The following NCKAP5 variants were observed in gnomAD, a reference collection of about 807,000 sequenced individuals.
NCKAP5 encodes NCK associated protein 5, also known as nck-associated protein 5.
In NCKAP5, 92 loss-of-function variants were observed where a neutral mutation model predicts 167.0. That is an observed-to-expected ratio of 0.55 (90% confidence interval 0.47 to 0.66). The LOEUF is 0.66. Ranked by LOEUF, NCKAP5 falls within the 30% of genes least tolerant of loss-of-function variation. The pLI is 0.00. For synonymous variants in NCKAP5, 891 were observed against 877.4 expected (o/e 1.02, Z -0.27); for missense variants, 2,378 against 2,315.0 (o/e 1.03, Z -0.56).
chr2:132,953,691 G>A (rs1210218600), intron 8 of NCKAP5, among the ~76,000 whole-genome samples: 1 of 146,584 alleles, frequency 6.8e-6, no homozygotes, highest in Non-Finnish European at 1.5e-5. Flanking sequence ...AAGATAATAT[G>A]CCACAGAAGG....
At chr2:133,409,244 C>A (rs985413860) in intron 3 of NCKAP5, among the ~76,000 whole-genome samples, 4 of 152,228 alleles carry the variant, frequency 2.6e-5, no homozygotes, top group Non-Finnish European at 5.9e-5. Context: ...TTAATGCAGG[C>A]ATAAAAATGG....
chr2:133,527,789 G>A (rs1331827731), intron 2 of NCKAP5, among the ~76,000 whole-genome samples: 1 of 152,112 alleles, frequency 6.6e-6, no homozygotes. Context: ...ACAAGGCCAG[G>A]TTCGGTGGTT....
intron 7 of NCKAP5, among the ~76,000 whole-genome samples, chr2:132,967,511 G>T (rs183103977): frequency 7.4e-4 from 113 of 152,220 alleles, no homozygotes; most frequent in Non-Finnish European, 1.4e-3. Context: ...TGTCCTTACA[G>T]GTTTATAAGG....
intron 5 of NCKAP5, among the ~76,000 whole-genome samples, chr2:133,177,596 C>T (rs1000837974): frequency 6.6e-6 from 1 of 152,142 alleles, no homozygotes; most frequent in African/African-American, 2.4e-5. Context: ...TTTCATACCA[C>T]AGGTTTGTAA....
rs1408462062 is a variant in NCKAP5 at position 133,116,269 on chromosome 2, C to T, written c.341+13709G>A. On this transcript the variant is annotated intron_variant, in intron 6 of 19. Coordinates refer to ENST00000409261, the MANE Select transcript of NCKAP5 (RefSeq NM_207363.3). ...TTGGGAGGCCGAGGCGGGCGGATCA[C>T]GAGGTCAGGAGATCGAGACCATCCT... Among the ~76,000 whole-genome samples, 6 of 86,086 alleles carry T rather than the reference C, an allele frequency of 7.0e-5. No individual in the cohort carries two copies. The South Asian group carries it at 1.0e-3, about 15-fold the overall frequency. 56.5% of individuals were successfully genotyped at this position (86,086 alleles called of 152,430 possible).
intron 5 of NCKAP5, among the ~76,000 whole-genome samples, chr2:133,162,994 A>G (rs553908344): frequency 6.6e-6 from 1 of 152,332 alleles, no homozygotes; most frequent in East Asian, 1.9e-4. Flanking sequence ...AGAAGTATAA[A>G]AGAGAACTGC....
chr2:133,187,796 C>T (rs1347505818), intron 5 of NCKAP5, among the ~76,000 whole-genome samples: 1 of 151,924 alleles, frequency 6.6e-6, no homozygotes, highest in Non-Finnish European at 1.5e-5. Context: ...ACTAGGATTG[C>T]AACACCTGCT....
chr2:132,796,753 T>C (rs935872429), intron 11 of NCKAP5, 24 bp from the exon 12 acceptor site: 8 of 1,440,958 alleles, frequency 5.6e-6, no homozygotes, highest in Non-Finnish European at 7.8e-6. Flanking sequence ...AGCAGAAACA[T>C]TGAATAGCGA....
the NCKAP5 span, among the ~76,000 whole-genome samples, chr2:133,664,793 C>G: frequency 6.6e-6 from 1 of 152,112 alleles, no homozygotes; most frequent in Non-Finnish European, 1.5e-5. Flanking sequence ...CCACCGCACC[C>G]AGCCGAAAAT....
intron 5 of NCKAP5, among the ~76,000 whole-genome samples, chr2:133,187,442 C>T (rs1821424): frequency 0.33 from 50,809 of 151,766 alleles, 9,209 homozygotes; most frequent in East Asian, 0.58. Flanking sequence ...GCAATCCCAG[C>T]TACTTTGGAA....
chr2:132,681,199 T>A (rs1440829799), intron 19 of NCKAP5, among the ~76,000 whole-genome samples: 1 of 152,156 alleles, frequency 6.6e-6, no homozygotes, highest in Non-Finnish European at 1.5e-5. Context: ...GTTCCTGAGA[T>A]GAGAACTTCT....
Position 132,796,618 on chromosome 2 carries a change from G to A in NCKAP5, c.909+10C>T. Reference sequence around the variant, plus strand: ...AAAACAAGTGTTCTGAAGGCAACTGGGAAACTCACGTGCACCTCAGCATCA... The same window carrying A: ...AAAACAAGTGTTCTGAAGGCAACTGAGAAACTCACGTGCACCTCAGCATCA... On this transcript the variant is annotated intron_variant, in intron 12 of 19. Coordinates refer to ENST00000409261, the MANE Select transcript of NCKAP5 (RefSeq NM_207363.3). 6.3e-7 allele frequency: 1 copy of A among 1,598,986 alleles called. No homozygotes were observed. The highest frequency in any genetic ancestry group is 1.7e-5 in the Admixed American group (1 of 59,430).
intron 19 of NCKAP5, among the ~76,000 whole-genome samples, chr2:132,676,525 T>C (rs556280593): frequency 6.6e-6 from 1 of 152,230 alleles, no homozygotes; most frequent in Non-Finnish European, 1.5e-5. Flanking sequence ...TATAGGAGCA[T>C]ACCGAACCTC....
At chr2:133,205,522 A>G (rs2085909299) in intron 5 of NCKAP5, among the ~76,000 whole-genome samples, 1 of 152,142 alleles carries the variant, frequency 6.6e-6, no homozygotes, top group African/African-American at 2.4e-5. Context: ...AATTTGCTTT[A>G]CCTTCAAAAT....
intron 5 of NCKAP5, among the ~76,000 whole-genome samples, chr2:133,153,060 C>A (rs1036926552): frequency 1.3e-5 from 2 of 152,094 alleles, no homozygotes; most frequent in African/African-American, 4.8e-5. Context: ...TCGTTGTACA[C>A]AAAGTTTTGG....
chr2:133,171,770 G>T (rs2084260275), intron 5 of NCKAP5, among the ~76,000 whole-genome samples: 1 of 152,170 alleles, frequency 6.6e-6, no homozygotes, highest in Non-Finnish European at 1.5e-5. Flanking sequence ...AAGGCTAAGT[G>T]GTGAAGAGAT....
intron 4 of NCKAP5, among the ~76,000 whole-genome samples, chr2:133,252,941 GGGGT>G (rs2150343784): frequency 6.6e-6 from 1 of 152,266 alleles, no homozygotes. Context: ...CCAGCCTCAG[GGGGT>G]CTGCAGATAG....
In NCKAP5 at chr2:132,863,371, A is replaced by AG. The variant is rs561406174; in HGVS notation, c.688-2761dup. Among the ~76,000 whole-genome samples the AG allele has an allele frequency of 5.9e-5, 9 of 152,194 alleles. No homozygotes were observed. In the East Asian group the frequency reaches 1.5e-3, roughly 26 times the overall value. ...CATACAGTGTGGATATGCAAGTAAA[A>AG]GGGGACCTGAAAGCAATAGTAACCA... On this transcript the variant is annotated intron_variant, in intron 10 of 19. Transcript: ENST00000409261.
At chr2:133,146,051 C>T (rs1338268291) in intron 5 of NCKAP5, among the ~76,000 whole-genome samples, 3 of 151,996 alleles carry the variant, frequency 2.0e-5, no homozygotes, top group African/African-American at 7.2e-5. Flanking sequence ...TTCATATTTA[C>T]ATCTTCTCTT....
Sources: gnomAD v4.1 joint callset for allele counts (sites outside exome capture counted in the v4.1 genomes callset) on GRCh38, gnomAD v4.1.1 for gene constraint, MANE v1.5 for transcripts, NCBI Gene and HGNC (gene_info 2026-07-23, HGNC 2026-07-21) for gene names.